RRP12: variants seen among roughly 807,000 people sequenced by gnomAD.
RRP12 encodes ribosomal RNA processing 12 homolog.
RRP12 carries 78 observed loss-of-function variants against 157.3 expected under a neutral mutation model. That is an observed-to-expected ratio of 0.50 (90% CI 0.41 to 0.60). The LOEUF (loss-of-function observed/expected upper bound fraction) is 0.60, where lower values mean the gene tolerates loss of function less well. Ranked by LOEUF, RRP12 falls within the 20% of genes least tolerant of loss-of-function variation. RRP12 has a pLI of 0.00. For synonymous variants in RRP12, 726 were observed against 670.9 expected, an observed-to-expected ratio of 1.08 and a Z score of -1.27; for missense variants, 1,521 against 1,679.9, an observed-to-expected ratio of 0.91 and a Z score of 1.65.
At chr10:97,392,413 G>A (rs1263371069) in intron 4 of RRP12, among the ~76,000 whole-genome samples, 1 of 152,176 alleles carries the variant, frequency 6.6e-6, no homozygotes, top group Non-Finnish European at 1.5e-5. Flanking sequence ...GCAGTGGCTT[G>A]ATCTTGGCTC....
intron 4 of RRP12, among the ~76,000 whole-genome samples, chr10:97,391,441 C>T (rs1227914811): frequency 6.6e-6 from 1 of 152,094 alleles, no homozygotes; most frequent in Non-Finnish European, 1.5e-5. Context: ...CGTGATGGCG[C>T]CCGCCTGTAA....
At position 97,391,781 on chromosome 10, in the gene RRP12, C is replaced by T. The variant is rs565990982; in HGVS notation, c.531-937G>A. Among the ~76,000 whole-genome samples the T allele has an allele frequency of 3.9e-5, 6 of 152,046 alleles. No homozygotes were observed. The South Asian group carries it at 1.0e-3, about 26-fold the overall frequency. ...CTAAAAATACAAACAATTAGCCAGA[C>T]GTGGTGGCGGGCGCCTGTAGTCCCA... On this transcript the variant is annotated intron_variant, in intron 4 of 33. Transcript: ENST00000370992.
At chr10:97,386,344 T>G (rs948292772) in intron 8 of RRP12, among the ~76,000 whole-genome samples, 9 of 150,500 alleles carry the variant, frequency 6.0e-5, no homozygotes, top group Non-Finnish European at 1.3e-4. Context: ...TGCATGCCAC[T>G]GTGCCTGGCC....
At chr10:97,377,592 C>A (rs1844345447) in intron 15 of RRP12, among the ~76,000 whole-genome samples, 1 of 151,464 alleles carries the variant, frequency 6.6e-6, no homozygotes, top group Non-Finnish European at 1.5e-5. Flanking sequence ...CGCCTGTAAT[C>A]CCAACACTTT....
At chr10:97,372,837 C>G (rs1844196117) in intron 18 of RRP12, 34 bp from the exon 19 acceptor site, 1 of 1,547,388 alleles carries the variant, frequency 6.5e-7, no homozygotes, top group Non-Finnish European at 8.8e-7. Context: ...AGAAGAGAGT[C>G]ATTGGGGAGG....
At chr10:97,359,713 C>T (rs1843794466) in intron 31 of RRP12, among the ~76,000 whole-genome samples, 1 of 152,202 alleles carries the variant, frequency 6.6e-6, no homozygotes, top group South Asian at 2.1e-4. Context: ...GTAACCAGGC[C>T]AAGGTCAAAC....
At chr10:97,399,317 A>G (rs1183491114) in intron 2 of RRP12, among the ~76,000 whole-genome samples, 1 of 152,160 alleles carries the variant, frequency 6.6e-6, no homozygotes, top group East Asian at 1.9e-4. Flanking sequence ...TGTTTCTTTC[A>G]GTTTTTAATA....
chr10:97,388,108 C>G (rs376170381), intron 8 of RRP12, 144 bp downstream of exon 8: 3 of 1,053,124 alleles, frequency 2.8e-6, no homozygotes, highest in Non-Finnish European at 4.2e-6. Context: ...CCAAACACCA[C>G]AGAGTAACGT....
intron 33 of RRP12, 84 bp downstream of exon 33, chr10:97,358,453 T>G (rs1589406563): frequency 1.0e-6 from 1 of 992,796 alleles, no homozygotes; most frequent in East Asian, 2.4e-5. Context: ...GAGAGTTTAA[T>G]AAGGCCTTCC....
intron 24 of RRP12, among the ~76,000 whole-genome samples, chr10:97,369,954 G>A (rs907347742): frequency 6.6e-6 from 1 of 152,234 alleles, no homozygotes; most frequent in African/African-American, 2.4e-5. Flanking sequence ...GTCACACGTG[G>A]GGACAGACCT....
chr10:97,366,113 G>C lies in RRP12; in HGVS notation c.3512C>G (p.Ala1171Gly). 1 of 1,602,786 alleles carries C rather than the reference G, an allele frequency of 6.2e-7. No homozygotes were observed. Among genetic ancestry groups the C allele is most frequent in the Non-Finnish European group, 8.5e-7 (1 of 1,179,840 alleles). ...DGNKMEEEEG[A>G]KGEDEEMADP... ...GACAAGCGCGTTGGGCCCACCTTTG[G>C]CACCTTCCTCTTCCTCCATCTTGTT... Residue 1171 changes from alanine to glycine, a missense_variant, in exon 29 of 34, where the codon GCC (alanine) becomes GGC (glycine). Ala to Gly is a moderately conservative substitution (Grantham distance 60). Transcript: ENST00000370992.
intron 30 of RRP12, among the ~76,000 whole-genome samples, chr10:97,361,864 T>C (rs1167084632): frequency 6.6e-6 from 1 of 152,098 alleles, no homozygotes; most frequent in East Asian, 1.9e-4. Context: ...ATCCTGGCAC[T>C]TTGGGAGGCT....
At chr10:97,381,327 A>T (rs775865655) in intron 12 of RRP12, 59 bp downstream of exon 12, 4 of 1,255,138 alleles carry the variant, frequency 3.2e-6, no homozygotes, top group Non-Finnish European at 4.5e-6. Flanking sequence ...CATTCGTATT[A>T]TATAGAACTT....
At chr10:97,372,208 A>G (rs1401574207) in intron 19 of RRP12, 42 bp from the exon 20 acceptor site, 5 of 1,499,160 alleles carry the variant, frequency 3.3e-6, no homozygotes, top group Non-Finnish European at 3.7e-6. Flanking sequence ...GGGGAGCTGG[A>G]GAAGGGCGCA....
chr10:97,358,905 A>AG, intron 32 of RRP12, 38 bp downstream of exon 32: 1 of 1,527,498 alleles, frequency 6.5e-7, no homozygotes, highest in Non-Finnish European at 9.1e-7. Context: ...GCACCTGTCC[A>AG]GTGCCAGGAG....
chr10:97,385,773 T>C, intron 9 of RRP12, 122 bp downstream of exon 9: 1 of 685,260 alleles, frequency 1.5e-6, no homozygotes, highest in Non-Finnish European at 2.6e-6. Flanking sequence ...CCTCTTCCAC[T>C]AGGACAACCC....
chr10:97,372,241 A>G, intron 19 of RRP12, 75 bp from the exon 20 acceptor site: 2 of 1,162,426 alleles, frequency 1.7e-6, no homozygotes, highest in Non-Finnish European at 2.5e-6. Flanking sequence ...TCTTACGTCT[A>G]CTGGGTATGG....
At chr10:97,389,561 T>C (rs1335820889) in intron 6 of RRP12, among the ~76,000 whole-genome samples, 3 of 152,040 alleles carry the variant, frequency 2.0e-5, no homozygotes, top group South Asian at 2.1e-4. Context: ...ATGACTGTTA[T>C]TGTTACCACC....
chr10:97,366,423 G>A (rs1396551086), intron 28 of RRP12, 23 bp downstream of exon 28: 2 of 1,586,346 alleles, frequency 1.3e-6, no homozygotes, highest in Admixed American at 1.8e-5. Context: ...TTTTCTGAGT[G>A]CACTGGCCAG....
Sources: allele counts gnomAD v4.1 joint callset (sites outside exome capture counted in the v4.1 genomes callset), GRCh38; gene constraint gnomAD v4.1.1; transcripts MANE v1.5; gene names NCBI Gene and HGNC (gene_info 2026-07-23, HGNC 2026-07-21).